Variants in PHF8 observed in about 807,000 individuals in gnomAD.
PHF8 encodes the protein histone lysine demethylase PHF8.
Under a neutral mutation model 74.4 loss-of-function variants are expected in PHF8, and 9 were observed. The observed-to-expected ratio is 0.12, with a 90% CI of 0.07 to 0.21. PHF8 has a LOEUF of 0.21. Among genes scored for constraint, PHF8 ranks in the 10% least tolerant of loss-of-function variants. The pLI, the probability that PHF8 is intolerant of heterozygous loss-of-function variation, is 1.00. For missense variants in PHF8, 478 were observed against 816.6 expected (o/e 0.59, Z 5.05); for synonymous variants, 311 against 316.6 (o/e 0.98, Z 0.19).
At chrX:53,963,762 T>C (rs992590246) in intron 18 of PHF8, among the ~76,000 whole-genome samples, 2 of 112,034 alleles carry the variant, frequency 1.8e-5, no homozygotes, top group African/African-American at 3.2e-5. Flanking sequence ...TGTGGAGAAA[T>C]AGGAATGCTT....
At chrX:54,019,628 TA>T (rs1361607352) in intron 4 of PHF8, among the ~76,000 whole-genome samples, 2 of 103,475 alleles carry the variant, frequency 1.9e-5, no homozygotes, top group African/African-American at 7.1e-5. Flanking sequence ...CCATCTCTAC[TA>T]AAAATACAAA....
At chrX:54,024,333 G>A (rs1461030610) in intron 2 of PHF8, among the ~76,000 whole-genome samples, 2 of 112,017 alleles carry the variant, frequency 1.8e-5, no homozygotes, top group African/African-American at 6.5e-5. Context: ...TTCACAGTAA[G>A]TGCTAGAAGT....
intron 19 of PHF8, among the ~76,000 whole-genome samples, chrX:53,957,704 C>T (rs1477093403): frequency 6.3e-5 from 7 of 111,741 alleles, no homozygotes; most frequent in Non-Finnish European, 1.3e-4. Context: ...GGCCATCTGA[C>T]ACAATTTCAG....
chrX:54,041,605 A>T (rs2066557048), intron 2 of PHF8, among the ~76,000 whole-genome samples: 1 of 110,322 alleles, frequency 9.1e-6, no homozygotes, highest in Non-Finnish European at 1.9e-5. Flanking sequence ...GTACACACTA[A>T]CCTCTCCGGA....
chrX:53,960,326 C>T (rs1387452371), intron 19 of PHF8, among the ~76,000 whole-genome samples: 2 of 108,529 alleles, frequency 1.8e-5, no homozygotes, highest in Non-Finnish European at 3.8e-5. Flanking sequence ...CCACCCGCCT[C>T]GGCCTCCCAA....
At chrX:53,958,775 CAA>C (rs1203323417) in intron 19 of PHF8, among the ~76,000 whole-genome samples, 1 of 13,166 alleles carries the variant, frequency 7.6e-5, no homozygotes, top group Non-Finnish European at 1.5e-4. Flanking sequence ...GACTCCCTCT[CAA>C]AAAAAAAAAA....
chrX:54,036,601 C>CT (rs1214778792), intron 2 of PHF8, among the ~76,000 whole-genome samples: 157 of 52,543 alleles, frequency 3.0e-3, no homozygotes, highest in Non-Finnish European at 3.7e-3. Flanking sequence ...AAAAAAAAAA[C>CT]TTTTTTTTTT....
intron 21 of PHF8, among the ~76,000 whole-genome samples, chrX:53,939,777 C>T (rs1184828995): frequency 1.8e-5 from 2 of 111,052 alleles, no homozygotes; most frequent in African/African-American, 6.6e-5. Context: ...AGTCCTCTAA[C>T]TCTTTGTTGT....
intron 6 of PHF8, among the ~76,000 whole-genome samples, chrX:54,015,597 A>T (rs77325153): frequency 9.5e-6 from 1 of 104,900 alleles, no homozygotes; most frequent in Admixed American, 1.0e-4. Context: ...AAAAAAAAAA[A>T]CACAACAGCA....
At chrX:53,943,782 G>A (rs1038546674) in intron 20 of PHF8, among the ~76,000 whole-genome samples, 4 of 111,860 alleles carry the variant, frequency 3.6e-5, no homozygotes, top group South Asian at 3.7e-4. Context: ...GAACTTGAGC[G>A]TACTCAGCTG....
intron 18 of PHF8, among the ~76,000 whole-genome samples, chrX:53,974,035 G>A (rs1341821961): frequency 6.3e-5 from 7 of 111,012 alleles, no homozygotes; most frequent in South Asian, 3.8e-4. Context: ...TGAGGCGGGC[G>A]GATCACGAGG....
At chrX:54,042,987 A>T in intron 1 of PHF8, 167 bp from the exon 2 acceptor site, 1 of 520,188 alleles carries the variant, frequency 1.9e-6, no homozygotes, top group Non-Finnish European at 2.9e-6. Flanking sequence ...AATTTCTTTC[A>T]CACGTAAAGA....
intron 8 of PHF8, among the ~76,000 whole-genome samples, chrX:54,009,844 GAAAAAAAAAAA>G (rs782363250): frequency 2.0e-3 from 19 of 9,376 alleles, no homozygotes; most frequent in Non-Finnish European, 5.0e-3. Context: ...CTCTGTCTCA[GAAAAAAAAAAA>G]AAAAAAAAAA....
chrX:53,982,141 A>G (rs1177270375), intron 18 of PHF8, among the ~76,000 whole-genome samples: 7 of 112,298 alleles, frequency 6.2e-5, no homozygotes, highest in African/African-American at 2.3e-4. Flanking sequence ...CAGACATCTT[A>G]GCTGCAGGTC....
At position 54,022,761 on chromosome X, in the gene PHF8, T is replaced by C; in HGVS notation, c.181A>G (p.Ile61Val). The C allele has an allele frequency of 7.0e-6, 8 of 1,149,878 alleles. No homozygotes were observed. The highest frequency in any genetic ancestry group is 9.5e-6 in the Non-Finnish European group (8 of 839,377). 94.8% of individuals were successfully genotyped at this position (1,149,878 alleles called of 1,213,427 possible). A position where few individuals can be genotyped will look rare whatever the true frequency, so the allele number is the denominator to read the frequency against. ...PNCEVLHGPSIMKKRRGSSKG... is the reference protein window; with the variant it reads ...PNCEVLHGPSVMKKRRGSSKG... ...GGAAACCCTAAGATCTACTTACTAA[T>C]GGAGGGCCCATGCAAGACTTCACAG... Residue 61 changes from isoleucine to valine, a missense_variant, in exon 3 of 22, where the codon ATT becomes GTT. Transcript: ENST00000338154.
Position 53,975,068 on chromosome X carries a change from GA to G in PHF8, c.2443+9845del, listed in dbSNP as rs782306475. On this transcript the variant is annotated intron_variant, in intron 18 of 21. Coordinates refer to ENST00000338154, the MANE Select transcript of PHF8 (RefSeq NM_015107.3). ...CATGTACCCCAGAACTTAAAAGTTGGAAAAAAAATGTCCAACAGGTATATGG... is the reference window on the plus strand; with the variant it reads ...CATGTACCCCAGAACTTAAAAGTTGGAAAAAAATGTCCAACAGGTATATGG... 3.6e-3 allele frequency among the ~76,000 whole-genome samples: 397 copies of G among 111,252 alleles called. 2 individuals carry two copies. Among genetic ancestry groups the G allele is most frequent in the African/African-American group, 0.012 (377 of 30,674 alleles).
intron 8 of PHF8, among the ~76,000 whole-genome samples, chrX:54,009,937 C>G (rs2065958489): frequency 1.4e-5 from 1 of 73,098 alleles, no homozygotes; most frequent in African/African-American, 4.6e-5. Flanking sequence ...TTGACACAAA[C>G]AAAAGAGAAA....
At chrX:54,022,456 C>T in intron 3 of PHF8, 89 bp from the exon 4 acceptor site, 1 of 619,480 alleles carries the variant, frequency 1.6e-6, no homozygotes, top group East Asian at 3.2e-5. Flanking sequence ...CCTTCTCTTC[C>T]AATCTAACCA....
At position 53,999,957 on chromosome X, in the gene PHF8, C is replaced by T; in HGVS notation, c.1146G>A (p.Leu382=). ...AGGCAGGGTGTCTCCTGTTCTCTCG[C>T]AAACCTAAAGGAGGAAAGAGGAAAG... is the stretch of plus-strand genomic sequence containing the variant. ...GKHILDIFRG[L]RENRRHPASY... The change falls in exon 11 of 22, where the codon TTG becomes TTA. Residue 382 remains leucine (L), a synonymous_variant. Coordinates refer to ENST00000338154, the MANE Select transcript of PHF8 (RefSeq NM_015107.3). 1 of 1,169,523 alleles carries T rather than the reference C, an allele frequency of 8.6e-7. No individual in the cohort carries two copies.
Sources: allele counts gnomAD v4.1 joint callset (sites outside exome capture counted in the v4.1 genomes callset), GRCh38; gene constraint gnomAD v4.1.1; transcripts MANE v1.5; gene names NCBI Gene and HGNC (gene_info 2026-07-23, HGNC 2026-07-21).